The following SEMA3E variants were observed in gnomAD, a reference collection of about 807,000 sequenced individuals.
SEMA3E encodes the protein semaphorin-3E.
A neutral mutation model predicts 93.6 loss-of-function variants in SEMA3E; 49 were observed. The ratio of observed to expected loss-of-function variants is 0.52; its 90% CI spans 0.42 to 0.66. The LOEUF is 0.66. Among genes scored for constraint, SEMA3E ranks in the 30% least tolerant of loss-of-function variants. SEMA3E has a pLI of 0.00. For missense variants in SEMA3E, 906 were observed against 964.8 expected (o/e 0.94, Z 0.81); for synonymous variants, 363 against 330.7 (o/e 1.10, Z -1.06).
At chr7:83,525,784 GTTTT>G (rs35792837) in intron 1 of SEMA3E, among the ~76,000 whole-genome samples, 1,507 of 128,518 alleles carry the variant, frequency 0.012, 14 homozygotes, top group Admixed American at 0.031. Context: ...GTTTGTTTGG[GTTTT>G]TTTTTTTTTT....
intron 2 of SEMA3E, among the ~76,000 whole-genome samples, chr7:83,472,514 C>T (rs1463436457): frequency 6.6e-6 from 1 of 152,142 alleles, no homozygotes; most frequent in Non-Finnish European, 1.5e-5. Context: ...CCCACATCTG[C>T]TGAATCAATC....
At chr7:83,550,755 C>T (rs1197990158) in intron 1 of SEMA3E, among the ~76,000 whole-genome samples, 1 of 152,052 alleles carries the variant, frequency 6.6e-6, no homozygotes, top group African/African-American at 2.4e-5. Context: ...CCAAGAGAAA[C>T]TCCAACCATT....
In SEMA3E at chr7:83,394,349, A is replaced by G; in HGVS notation, c.1459-11T>C. On this transcript the variant is annotated splice_polypyrimidine_tract_variant and intron_variant, in intron 12 of 16. Transcript: ENST00000643230. ...AATAGGAACTGGATCCTGAAATTTT[A>G]AAAAAGTTTTCATTTTTAAGAAAAC... 1 of 1,610,850 alleles carries G rather than the reference A, an allele frequency of 6.2e-7. No homozygotes were observed. The highest frequency in any genetic ancestry group is 8.5e-7 in the Non-Finnish European group (1 of 1,178,048).
intron 1 of SEMA3E, among the ~76,000 whole-genome samples, chr7:83,498,136 A>G (rs1033332125): frequency 6.6e-5 from 10 of 152,134 alleles, no homozygotes; most frequent in African/African-American, 2.4e-4. Flanking sequence ...GTAACAATAC[A>G]GTATATAATA....
intron 5 of SEMA3E, among the ~76,000 whole-genome samples, chr7:83,416,805 A>G (rs2713150): frequency 6.6e-6 from 1 of 151,644 alleles, no homozygotes; most frequent in Non-Finnish European, 1.5e-5. Context: ...ATGGTGTGAG[A>G]CTATGAGATA....
chr7:83,619,074 C>A (rs1793490558), intron 1 of SEMA3E, among the ~76,000 whole-genome samples: 2 of 151,870 alleles, frequency 1.3e-5, no homozygotes, highest in African/African-American at 2.4e-5. Flanking sequence ...TAAAATCATT[C>A]TTTTATTTTT....
intron 8 of SEMA3E, 110 bp from the exon 9 acceptor site, chr7:83,405,629 G>T: frequency 2.2e-6 from 2 of 892,112 alleles, no homozygotes; most frequent in Non-Finnish European, 3.7e-6. Context: ...TTTGAGATGT[G>T]TATTTTCATA....
At chr7:83,407,329 T>A in intron 6 of SEMA3E, 90 bp from the exon 7 acceptor site, 11 of 1,113,444 alleles carry the variant, frequency 9.9e-6, no homozygotes, top group Non-Finnish European at 1.4e-5. Flanking sequence ...ATCATCTGAA[T>A]CCTTAAGTTT....
chr7:83,368,678 G>A (rs1024721992), intron 16 of SEMA3E, among the ~76,000 whole-genome samples: 5 of 152,062 alleles, frequency 3.3e-5, no homozygotes, highest in South Asian at 4.1e-4. Flanking sequence ...AGGATCAGAC[G>A]GAATAGCAAA....
chr7:83,548,328 A>C (rs1316025831), intron 1 of SEMA3E, among the ~76,000 whole-genome samples: 1 of 152,080 alleles, frequency 6.6e-6, no homozygotes, highest in East Asian at 1.9e-4. Flanking sequence ...TGCTAGAAAC[A>C]AGTCAAGGTA....
chr7:83,431,630 C>T (rs913604112), intron 4 of SEMA3E, among the ~76,000 whole-genome samples: 2 of 151,980 alleles, frequency 1.3e-5, no homozygotes, highest in Non-Finnish European at 2.9e-5. Flanking sequence ...TCTCAAACTC[C>T]TGACCTCAAG....
intron 1 of SEMA3E, among the ~76,000 whole-genome samples, chr7:83,636,149 T>C (rs1395563880): frequency 6.6e-6 from 1 of 152,194 alleles, no homozygotes; most frequent in African/African-American, 2.4e-5. Flanking sequence ...GATGAATTCA[T>C]ACTGTCCTCT....
intron 1 of SEMA3E, among the ~76,000 whole-genome samples, chr7:83,644,315 A>G (rs1425392290): frequency 6.6e-6 from 1 of 151,944 alleles, no homozygotes; most frequent in Non-Finnish European, 1.5e-5. Context: ...AGTGAGTGCA[A>G]TCTATCAAGA....
chr7:83,572,938 C>A (rs1584339682), intron 1 of SEMA3E, among the ~76,000 whole-genome samples: 1 of 151,884 alleles, frequency 6.6e-6, no homozygotes, highest in South Asian at 2.1e-4. Context: ...ACAAAAAAAA[C>A]AAAACACGGA....
At chr7:83,549,499 TA>T (rs1791716760) in intron 1 of SEMA3E, among the ~76,000 whole-genome samples, 2 of 152,158 alleles carry the variant, frequency 1.3e-5, no homozygotes, top group Admixed American at 1.3e-4. Flanking sequence ...ATTTTAAATA[TA>T]CTTTTATCCC....
rs565881275 is a variant in SEMA3E at position 83,530,759 on chromosome 7, TC to T, written c.116-40486del. On this transcript the variant is annotated intron_variant, in intron 1 of 16. Coordinates refer to ENST00000643230, the MANE Select transcript of SEMA3E (RefSeq NM_012431.3). ...CAGGTGTGGTGGTGCATGCCTGTAA[TC>T]CCAGCTACTAGGGAGGCTGAGGCAG... 1.2e-4 allele frequency among the ~76,000 whole-genome samples: 19 copies of T among 152,098 alleles called. No homozygotes were observed. In the South Asian group the frequency reaches 3.7e-3, roughly 30 times the overall value.
At chr7:83,425,259 C>G (rs551062624) in intron 4 of SEMA3E, among the ~76,000 whole-genome samples, 45 of 151,998 alleles carry the variant, frequency 3.0e-4, no homozygotes, top group Admixed American at 2.3e-3. Flanking sequence ...CAAACTAAGC[C>G]TGGAACTAGA....
intron 2 of SEMA3E, among the ~76,000 whole-genome samples, chr7:83,472,549 G>T (rs1330597689): frequency 6.6e-6 from 1 of 152,106 alleles, no homozygotes; most frequent in Non-Finnish European, 1.5e-5. Context: ...GAATGAAAAA[G>T]CTCAGTCCAC....
chr7:83,500,783 G>T (rs951747009), intron 1 of SEMA3E, among the ~76,000 whole-genome samples: 2 of 151,778 alleles, frequency 1.3e-5, no homozygotes, highest in East Asian at 2.0e-4. Context: ...TAGAGATGGG[G>T]TTTCACCATG....
Sources: allele counts gnomAD v4.1 joint callset (sites outside exome capture counted in the v4.1 genomes callset), GRCh38; gene constraint gnomAD v4.1.1; transcripts MANE v1.5; gene names NCBI Gene and HGNC (gene_info 2026-07-23, HGNC 2026-07-21).